LRRTM4: variants seen among roughly 807,000 people sequenced by gnomAD.
The protein encoded by LRRTM4 is leucine-rich repeat transmembrane neuronal protein 4.
In LRRTM4, 25 loss-of-function variants were observed where a neutral mutation model predicts 47.6. The observed-to-expected ratio is 0.53, with a 90% CI of 0.38 to 0.73. The LOEUF is 0.73. Ranked by LOEUF, LRRTM4 falls within the 30% of genes least tolerant of loss-of-function variation. The pLI, the probability that LRRTM4 is intolerant of heterozygous loss-of-function variation, is 0.00. For synonymous variants in LRRTM4, 311 were observed against 269.5 expected, an observed-to-expected ratio of 1.15 and a Z score of -1.51; for missense variants, 638 against 713.4, an observed-to-expected ratio of 0.89 and a Z score of 1.20.
At chr2:76,829,598 A>G (rs1238915544) in intron 3 of LRRTM4, among the ~76,000 whole-genome samples, 1 of 151,970 alleles carries the variant, frequency 6.6e-6, no homozygotes, top group Non-Finnish European at 1.5e-5. Context: ...ATTTATTTTT[A>G]CTGCTTAATA....
chr2:76,968,346 A>G lies in LRRTM4; in HGVS notation c.1552-219430T>C, dbSNP rs1289288598. On this transcript the variant is annotated intron_variant, in intron 3 of 3. Transcript: ENST00000409884. ...TACAAAAGTGTGTATGTGTGTATAT[A>G]TATATATATATATATATATATATAT... Among the ~76,000 whole-genome samples the G allele has an allele frequency of 1.7e-3, 138 of 80,040 alleles. 3 individuals carry two copies. Among genetic ancestry groups the G allele is most frequent in the Middle Eastern group, 5.7e-3 (1 of 176 alleles). 52.5% of individuals were successfully genotyped at this position (80,040 alleles called of 152,430 possible).
chr2:76,896,824 G>C lies in LRRTM4; in HGVS notation c.1552-147908C>G, dbSNP rs1322790092. Among the ~76,000 whole-genome samples the C allele has an allele frequency of 2.0e-5, 3 of 147,868 alleles. No homozygotes were observed. In the South Asian group the frequency reaches 6.7e-4, roughly 33 times the overall value. On this transcript the variant is annotated intron_variant, in intron 3 of 3. Transcript: ENST00000409884. Reference sequence around the variant, plus strand: ...ATGTATATGATGTTTCCTTGTACCAGGAACACATTGTTTGGCAATACTAGA... The same window carrying C: ...ATGTATATGATGTTTCCTTGTACCACGAACACATTGTTTGGCAATACTAGA...
chr2:77,045,537 AC>A (rs945599316), intron 3 of LRRTM4, among the ~76,000 whole-genome samples: 3 of 151,768 alleles, frequency 2.0e-5, no homozygotes, highest in African/African-American at 7.3e-5. Context: ...TGTGGGAGGG[AC>A]CCAGTGGGAG....
chr2:76,971,392 G>A (rs192030284), intron 3 of LRRTM4, among the ~76,000 whole-genome samples: 2 of 152,168 alleles, frequency 1.3e-5, no homozygotes, highest in Admixed American at 6.6e-5. Flanking sequence ...GGCAATTGGT[G>A]AGAGGCAAGT....
intron 3 of LRRTM4, among the ~76,000 whole-genome samples, chr2:77,335,642 C>A (rs1443097748): frequency 6.6e-6 from 1 of 152,218 alleles, no homozygotes; most frequent in Admixed American, 6.5e-5. Flanking sequence ...TTTGTTACTT[C>A]TAAATAATAT....
rs1312849457 is a variant in LRRTM4 at position 77,053,560 on chromosome 2, T to C, written c.1552-304644A>G. 3.3e-5 allele frequency among the ~76,000 whole-genome samples: 5 copies of C among 152,182 alleles called. No individual in the cohort carries two copies. In the East Asian group the frequency reaches 9.6e-4, roughly 29 times the overall value. On this transcript the variant is annotated intron_variant, in intron 3 of 3. Transcript: ENST00000409884. ...AAGATTTATTCCAGGCCTAAAATGATTGCTTACAGCTGACAGCTTGCTAGT... is the reference window on the plus strand; with the variant it reads ...AAGATTTATTCCAGGCCTAAAATGACTGCTTACAGCTGACAGCTTGCTAGT...
intron 2 of LRRTM4, among the ~76,000 whole-genome samples, chr2:77,520,381 T>C (rs988067615): frequency 1.1e-4 from 17 of 152,082 alleles, no homozygotes; most frequent in Admixed American, 6.6e-5. Context: ...TGAAATTGTG[T>C]ACTTATTGCA....
chr2:77,089,311 C>A (rs1203917025), intron 3 of LRRTM4, among the ~76,000 whole-genome samples: 1 of 151,426 alleles, frequency 6.6e-6, no homozygotes, highest in Non-Finnish European at 1.5e-5. Flanking sequence ...TTCACTCTTA[C>A]CAAGTCCCAC....
At position 76,754,815 on chromosome 2, in the gene LRRTM4, C is replaced by T. The variant is rs142690686; in HGVS notation, c.1552-5899G>A. Reference sequence around the variant, plus strand: ...ACCTATCTAGCCATTGCCCTGTGAACGTGCTTAGATTATTTTGCCAGAGGA... The same window carrying T: ...ACCTATCTAGCCATTGCCCTGTGAATGTGCTTAGATTATTTTGCCAGAGGA... On this transcript the variant is annotated intron_variant, in intron 3 of 3. Transcript: ENST00000409884. Among the ~76,000 whole-genome samples, 691 of 152,174 alleles carry T rather than the reference C, an allele frequency of 4.5e-3. 14 individuals carry two copies. The South Asian group carries it at 0.063, about 14-fold the overall frequency.
chr2:76,807,419 T>TACAC (rs1251007922), intron 3 of LRRTM4, among the ~76,000 whole-genome samples: 2 of 85,662 alleles, frequency 2.3e-5, no homozygotes, highest in African/African-American at 1.2e-4. Context: ...TATATATATA[T>TACAC]ATATACATAT....
intron 3 of LRRTM4, among the ~76,000 whole-genome samples, chr2:76,916,755 T>C (rs1229185609): frequency 6.6e-6 from 1 of 152,098 alleles, no homozygotes; most frequent in Non-Finnish European, 1.5e-5. Flanking sequence ...TCCACAAAAC[T>C]CCGATGTGCA....
chr2:77,095,745 A>AG (rs1053234642), intron 3 of LRRTM4, among the ~76,000 whole-genome samples: 1 of 151,976 alleles, frequency 6.6e-6, no homozygotes, highest in Non-Finnish European at 1.5e-5. Context: ...CCTGACCTTC[A>AG]GGTCAGATCC....
At chr2:77,193,441 T>C (rs1328166878) in intron 3 of LRRTM4, among the ~76,000 whole-genome samples, 1 of 152,168 alleles carries the variant, frequency 6.6e-6, no homozygotes, top group Admixed American at 6.5e-5. Flanking sequence ...TAATTCACAA[T>C]TCTTGTATTT....
chr2:77,251,003 T>G (rs147346795), intron 3 of LRRTM4, among the ~76,000 whole-genome samples: 2,869 of 151,870 alleles, frequency 0.019, 28 homozygotes, highest in Middle Eastern at 0.034. Flanking sequence ...TTTGGAAGGC[T>G]GAGGCAGGAG....
intron 3 of LRRTM4, among the ~76,000 whole-genome samples, chr2:77,423,664 G>A (rs956143185): frequency 4.6e-5 from 7 of 152,176 alleles, no homozygotes; most frequent in Non-Finnish European, 2.9e-5. Flanking sequence ...TTCTTTCAAA[G>A]CATTATCTTT....
At chr2:76,792,167 A>G (rs1342653906) in intron 3 of LRRTM4, among the ~76,000 whole-genome samples, 2 of 152,194 alleles carry the variant, frequency 1.3e-5, no homozygotes, top group Admixed American at 1.3e-4. Context: ...AAAGACGATC[A>G]TATACATGGC....
At chr2:77,044,328 A>G (rs1312736977) in intron 3 of LRRTM4, among the ~76,000 whole-genome samples, 2 of 151,788 alleles carry the variant, frequency 1.3e-5, no homozygotes, top group Non-Finnish European at 2.9e-5. Flanking sequence ...TCTGTCAAAT[A>G]TGGTACTTGG....
At chr2:77,238,122 T>TA (rs1272267982) in intron 3 of LRRTM4, among the ~76,000 whole-genome samples, 1 of 152,020 alleles carries the variant, frequency 6.6e-6, no homozygotes, top group Admixed American at 6.6e-5. Flanking sequence ...TTTTTTAAAA[T>TA]AAAAAATAAG....
intron 3 of LRRTM4, among the ~76,000 whole-genome samples, chr2:77,358,433 C>T (rs530531110): frequency 1.3e-5 from 2 of 152,124 alleles, no homozygotes; most frequent in African/African-American, 2.4e-5. Context: ...GAACTCACCA[C>T]GAAGAGCATG....
Sources: allele counts gnomAD v4.1 joint callset (sites outside exome capture counted in the v4.1 genomes callset), GRCh38; gene constraint gnomAD v4.1.1; transcripts MANE v1.5; gene names NCBI Gene and HGNC (gene_info 2026-07-23, HGNC 2026-07-21).